The following GASK1A variants were observed in gnomAD, a reference collection of about 807,000 sequenced individuals.
The protein encoded by GASK1A is Golgi-associated kinase 1A.
In GASK1A, 40 loss-of-function variants were observed where a neutral mutation model predicts 41.2. That is an observed-to-expected ratio of 0.97 (90% CI 0.75 to 1.27). GASK1A has a LOEUF of 1.27. GASK1A is among the 50% of genes most tolerant of loss of function. The pLI is 0.00. For synonymous variants in GASK1A, 316 were observed against 307.1 expected, an observed-to-expected ratio of 1.03 and a Z score of -0.30; for missense variants, 678 against 745.1, an observed-to-expected ratio of 0.91 and a Z score of 1.05.
At chr3:43,030,099 C>T (rs868839583) in intron 1 of GASK1A, among the ~76,000 whole-genome samples, 3 of 152,178 alleles carry the variant, frequency 2.0e-5, no homozygotes, top group African/African-American at 4.8e-5. Flanking sequence ...CGGGTTCAAG[C>T]GGTTCTCCTG....
intron 1 of GASK1A, among the ~76,000 whole-genome samples, chr3:42,985,664 GGCCAAATATTCT>G (rs1195876651): frequency 6.6e-6 from 1 of 151,374 alleles, no homozygotes; most frequent in Non-Finnish European, 1.5e-5. Context: ...CAGCCCTGTG[GGCCAAATATTCT>G]GCTGAAGATA....
intron 1 of GASK1A, among the ~76,000 whole-genome samples, chr3:43,010,212 T>C (rs1031790001): frequency 1.3e-5 from 2 of 152,116 alleles, no homozygotes; most frequent in Admixed American, 6.5e-5. Context: ...CCGTTATATA[T>C]AGCAACTCAG....
At chr3:43,052,492 T>C (rs993678510) in intron 2 of GASK1A, among the ~76,000 whole-genome samples, 1 of 152,288 alleles carries the variant, frequency 6.6e-6, no homozygotes, top group South Asian at 2.1e-4. Context: ...TAGGCATTCA[T>C]TGAGGTATTG....
chr3:43,037,561 A>G, intron 2 of GASK1A: 1 of 335,542 alleles, frequency 3.0e-6, no homozygotes. Flanking sequence ...TAAGAGAAAA[A>G]TGAGGACTTT....
chr3:42,987,078 C>T (rs369680877), intron 1 of GASK1A, among the ~76,000 whole-genome samples: 1 of 152,220 alleles, frequency 6.6e-6, no homozygotes, highest in Non-Finnish European at 1.5e-5. Context: ...ATTGAACACT[C>T]AAACAAAGGA....
chr3:43,032,367 C>T lies in GASK1A; in HGVS notation c.104C>T (p.Pro35Leu), dbSNP rs746093578. 4 of 1,551,638 alleles carry T rather than the reference C, an allele frequency of 2.6e-6. No individual in the cohort carries two copies. The highest frequency in any genetic ancestry group is 3.5e-6 in the Non-Finnish European group (4 of 1,146,936). Residue 35 changes from proline to leucine, a missense_variant, in exon 2 of 5, where the codon CCA becomes CTA. Transcript: ENST00000430121. Reference sequence around the variant, plus strand: ...GCGATGGCTGTCACCCGCTTTCCCCCACAGCGTCCATCCGCCGGCCCAGAC... The same window carrying T: ...GCGATGGCTGTCACCCGCTTTCCCCTACAGCGTCCATCCGCCGGCCCAGAC... ...LSAMAVTRFP[P>L]QRPSAGPDPG...
intron 1 of GASK1A, among the ~76,000 whole-genome samples, chr3:42,990,769 G>A (rs1204023220): frequency 6.6e-6 from 1 of 152,142 alleles, no homozygotes; most frequent in African/African-American, 2.4e-5. Context: ...ATGTTGTTCT[G>A]CAGGCCAGGT....
intron 2 of GASK1A, among the ~76,000 whole-genome samples, chr3:43,034,469 C>G (rs2089595303): frequency 6.6e-6 from 1 of 152,124 alleles, no homozygotes; most frequent in South Asian, 2.1e-4. Flanking sequence ...TGGACCTCAG[C>G]CATAGATACA....
In GASK1A at chr3:42,979,422, C is replaced by T. The variant is rs1325761913; in HGVS notation, c.-221C>T. Reference sequence around the variant, plus strand: ...AGATCCGGCGTGTATTCCCCACCCGCGGAGTATCCCGGTGTGCAGCGATCT... The same window carrying T: ...AGATCCGGCGTGTATTCCCCACCCGTGGAGTATCCCGGTGTGCAGCGATCT... On this transcript the variant is annotated 5_prime_UTR_variant, in exon 1 of 5. Coordinates refer to ENST00000430121, the MANE Select transcript of GASK1A (RefSeq NM_001129908.3). The T allele has an allele frequency of 4.8e-6, 2 of 416,178 alleles. No homozygotes were observed. The highest frequency in any genetic ancestry group is 3.6e-5 in the East Asian group (1 of 28,032). 25.8% of individuals were successfully genotyped at this position (416,178 alleles called of 1,614,324 possible).
intron 1 of GASK1A, among the ~76,000 whole-genome samples, chr3:43,023,986 G>A: frequency 6.6e-6 from 1 of 152,204 alleles, no homozygotes; most frequent in Non-Finnish European, 1.5e-5. Context: ...AGGATTGTCT[G>A]CTGTGGGGGC....
At chr3:42,985,253 G>A (rs192193149) in intron 1 of GASK1A, among the ~76,000 whole-genome samples, 53 of 152,278 alleles carry the variant, frequency 3.5e-4, no homozygotes, top group Non-Finnish European at 4.4e-4. Flanking sequence ...GCCTTCACAA[G>A]TTCTGAAGGA....
At position 43,050,231 on chromosome 3, in the gene GASK1A, G is replaced by A. The variant is rs142773217; in HGVS notation, c.1291-3290G>A. The stretch of plus-strand genomic sequence containing the variant: ...CCTGCTGACAATAAACTCTGTTTTT[G>A]TTGTTCTGTTAATGTCTTCATTTCT... On this transcript the variant is annotated intron_variant, in intron 2 of 4. Transcript: ENST00000430121. Among the ~76,000 whole-genome samples, 1,020 of 152,100 alleles carry A rather than the reference G, an allele frequency of 6.7e-3. 9 individuals carry two copies. Among genetic ancestry groups the A allele is most frequent in the Non-Finnish European group, 9.2e-3 (625 of 67,970 alleles).
intron 1 of GASK1A, among the ~76,000 whole-genome samples, chr3:42,982,012 A>C (rs2125671175): frequency 6.6e-6 from 1 of 152,324 alleles, no homozygotes; most frequent in Non-Finnish European, 1.5e-5. Flanking sequence ...TCTGGGTTAG[A>C]AGTATACAAA....
intron 1 of GASK1A, among the ~76,000 whole-genome samples, chr3:43,011,380 C>CA (rs55954875): frequency 0.06 from 5,188 of 86,676 alleles, 149 homozygotes; most frequent in Non-Finnish European, 0.085. Flanking sequence ...GACTCCATCT[C>CA]AAAAAAAAAA....
chr3:43,023,299 C>A lies in GASK1A; in HGVS notation c.4-8968C>A, dbSNP rs576067221. 2.0e-5 allele frequency among the ~76,000 whole-genome samples: 3 copies of A among 152,310 alleles called. No homozygotes were observed. In the South Asian group the frequency reaches 6.2e-4, roughly 32 times the overall value. ...GAAGAGGCAAGGAACAGATTCTCCC[C>A]TAGAGCCTTTGGAGGTAGCACGGCC... On this transcript the variant is annotated intron_variant, in intron 1 of 4. Transcript: ENST00000430121.
At chr3:42,985,586 T>TGGGGGG (rs1553613311) in intron 1 of GASK1A, among the ~76,000 whole-genome samples, 40 of 144,352 alleles carry the variant, frequency 2.8e-4, no homozygotes, top group South Asian at 6.7e-4. Flanking sequence ...TGTGTGTGTG[T>TGGGGGG]GGGCGGAGGC....
At chr3:43,026,106 C>T (rs543229830) in intron 1 of GASK1A, among the ~76,000 whole-genome samples, 8 of 152,208 alleles carry the variant, frequency 5.3e-5, no homozygotes, top group African/African-American at 7.2e-5. Flanking sequence ...CACCATCCCC[C>T]GCTTGTCTGC....
intron 1 of GASK1A, among the ~76,000 whole-genome samples, chr3:43,011,499 T>C (rs1326530850): frequency 6.6e-6 from 1 of 152,188 alleles, no homozygotes; most frequent in Non-Finnish European, 1.5e-5. Context: ...CAGGGCTGGC[T>C]TCTAGGATTT....
At chr3:43,013,987 A>T (rs1009168064) in intron 1 of GASK1A, among the ~76,000 whole-genome samples, 7 of 151,274 alleles carry the variant, frequency 4.6e-5, no homozygotes, top group Non-Finnish European at 1.0e-4. Context: ...GGGCTGTGTG[A>T]AGCCACAGAA....
Sources: gnomAD v4.1 joint callset for allele counts (sites outside exome capture counted in the v4.1 genomes callset) on GRCh38, gnomAD v4.1.1 for gene constraint, MANE v1.5 for transcripts, NCBI Gene and HGNC (gene_info 2026-07-23, HGNC 2026-07-21) for gene names.